Variants in MOB3B observed in about 807,000 individuals in gnomAD.
MOB3B encodes the protein MOB kinase activator 3B.
A neutral mutation model predicts 18.7 loss-of-function variants in MOB3B; 7 were observed. The ratio of observed to expected loss-of-function variants is 0.37; its 90% confidence interval spans 0.21 to 0.70. The LOEUF (loss-of-function observed/expected upper bound fraction) is 0.70. MOB3B is among the 30% of genes least tolerant of loss of function. The probability of loss-of-function intolerance (pLI) is 0.52; values close to 1 mark genes in which losing one functional copy is unlikely to be tolerated. For missense variants in MOB3B, 253 were observed against 281.3 expected, an observed-to-expected ratio of 0.90 and a Z score of 0.72; for synonymous variants, 111 against 99.9, an observed-to-expected ratio of 1.11 and a Z score of -0.66.
chr9:27,474,552 A>G (rs1041323936), intron 1 of MOB3B, among the ~76,000 whole-genome samples: 1 of 152,204 alleles, frequency 6.6e-6, no homozygotes, highest in African/African-American at 2.4e-5. Flanking sequence ...AATAGTCACC[A>G]TGATGCATGT....
chr9:27,514,658 C>T (rs1203838847), intron 1 of MOB3B, among the ~76,000 whole-genome samples: 2 of 152,168 alleles, frequency 1.3e-5, no homozygotes, highest in African/African-American at 2.4e-5. Context: ...CATTGAACAC[C>T]CCTGAGAATG....
intron 1 of MOB3B, among the ~76,000 whole-genome samples, chr9:27,522,925 A>AT (rs200359083): frequency 1.2e-4 from 18 of 150,390 alleles, no homozygotes; most frequent in African/African-American, 2.7e-4. Context: ...ATATATATAT[A>AT]TATTTTTTTC....
chr9:27,467,756 G>A (rs1043520789), intron 1 of MOB3B, among the ~76,000 whole-genome samples: 1 of 152,242 alleles, frequency 6.6e-6, no homozygotes. Context: ...GCTACCTGCT[G>A]CTTCCCCAGC....
At chr9:27,495,866 C>A (rs970214486) in intron 1 of MOB3B, among the ~76,000 whole-genome samples, 1 of 152,172 alleles carries the variant, frequency 6.6e-6, no homozygotes, top group Non-Finnish European at 1.5e-5. Flanking sequence ...GTTCCCTTTA[C>A]TGTAACACAC....
rs184652373 is a variant in MOB3B, at chr9:27,342,556, C to T, written c.622-11940G>A. 6.7e-3 allele frequency among the ~76,000 whole-genome samples: 1,024 copies of T among 152,214 alleles called. 10 individuals carry two copies. The highest frequency in any genetic ancestry group is 0.023 in the African/African-American group (962 of 41,530). On this transcript the variant is annotated intron_variant, in intron 3 of 3. Coordinates refer to ENST00000262244, the MANE Select transcript of MOB3B (RefSeq NM_024761.5). ...GTACTGCCGCCATCTTGGCTCACCGCAACCTCCCTGCCTGATTCTCCTGCC... is the reference window on the plus strand; with the variant it reads ...GTACTGCCGCCATCTTGGCTCACCGTAACCTCCCTGCCTGATTCTCCTGCC...
intron 3 of MOB3B, among the ~76,000 whole-genome samples, chr9:27,357,886 T>TCCAAAAAAAAAAAAAAAAAAAAAA: frequency 4.0e-5 from 1 of 25,316 alleles, no homozygotes; most frequent in African/African-American, 1.5e-4. Context: ...ATCCCATCGC[T>TCCAAAAAAAAAAAAAAAAAAAAAA]ACAAAAAAAA....
intron 2 of MOB3B, among the ~76,000 whole-genome samples, chr9:27,401,667 T>C (rs550187761): frequency 1.3e-5 from 2 of 152,328 alleles, no homozygotes; most frequent in East Asian, 3.9e-4. Context: ...AGGTACCTAA[T>C]GGAGCACATC....
chr9:27,428,428 C>T (rs1822369042), intron 2 of MOB3B, among the ~76,000 whole-genome samples: 6 of 152,148 alleles, frequency 3.9e-5, no homozygotes. Flanking sequence ...ATAGGGTGTT[C>T]ACAGGGGTAC....
At chr9:27,427,773 A>C (rs1162602078) in intron 2 of MOB3B, among the ~76,000 whole-genome samples, 1 of 152,086 alleles carries the variant, frequency 6.6e-6, no homozygotes, top group Non-Finnish European at 1.5e-5. Flanking sequence ...GTTCAAATTT[A>C]TTTCCCATCA....
At chr9:27,399,248 A>G (rs913756396) in intron 2 of MOB3B, among the ~76,000 whole-genome samples, 1 of 152,172 alleles carries the variant, frequency 6.6e-6, no homozygotes, top group Non-Finnish European at 1.5e-5. Flanking sequence ...CCCACTTCCC[A>G]GTGGGGCCCT....
intron 1 of MOB3B, among the ~76,000 whole-genome samples, chr9:27,527,061 A>T (rs750559005): frequency 2.0e-5 from 3 of 152,052 alleles, no homozygotes; most frequent in Non-Finnish European, 4.4e-5. Context: ...TTTTACATTC[A>T]TTTTCACCAT....
intron 3 of MOB3B, among the ~76,000 whole-genome samples, chr9:27,340,637 C>T (rs1308035330): frequency 6.6e-6 from 1 of 152,142 alleles, no homozygotes; most frequent in African/African-American, 2.4e-5. Context: ...TCTGTGGATC[C>T]ACCTACCATG....
At chr9:27,485,010 G>A (rs1237346786) in intron 1 of MOB3B, among the ~76,000 whole-genome samples, 2 of 152,178 alleles carry the variant, frequency 1.3e-5, no homozygotes, top group Admixed American at 6.5e-5. Flanking sequence ...GGCCTTGCCA[G>A]TATTTTTAAA....
chr9:27,373,506 G>A (rs1821450128), intron 2 of MOB3B, among the ~76,000 whole-genome samples: 1 of 152,146 alleles, frequency 6.6e-6, no homozygotes, highest in African/African-American at 2.4e-5. Flanking sequence ...GTTGACCTAA[G>A]GACCTCCCCC....
chr9:27,329,510 G>A lies in MOB3B; in HGVS notation c.*1077C>T, dbSNP rs1587134458. 1 of 152,438 alleles carries A rather than the reference G, an allele frequency of 6.6e-6. No individual in the cohort carries two copies. The highest frequency in any genetic ancestry group is 2.1e-4 in the South Asian group (1 of 4,822). The allele number at this position is 152,438 out of a possible 1,614,324, so 9.4% of individuals were successfully genotyped here. A position where few individuals can be genotyped will look rare whatever the true frequency, so the allele number is the denominator to read the frequency against. ...CCGTAACATAACGTGGCAGAGGAGT[G>A]GGGAGCGTGGAGTGGGGAGAGAATG... On this transcript the variant is annotated 3_prime_UTR_variant, in exon 4 of 4. Coordinates refer to ENST00000262244, the MANE Select transcript of MOB3B (RefSeq NM_024761.5).
intron 1 of MOB3B, among the ~76,000 whole-genome samples, chr9:27,474,854 A>G (rs1012754216): frequency 2.0e-5 from 3 of 152,202 alleles, no homozygotes; most frequent in African/African-American, 7.2e-5. Context: ...ACCTTTAACA[A>G]TCTATCAAAA....
chr9:27,456,868 GA>G (rs1429832741), intron 1 of MOB3B, among the ~76,000 whole-genome samples: 1 of 152,186 alleles, frequency 6.6e-6, no homozygotes, highest in Non-Finnish European at 1.5e-5. Context: ...TAATTTTAAT[GA>G]ATTTAAACTT....
chr9:27,519,953 T>C (rs568482651), intron 1 of MOB3B, among the ~76,000 whole-genome samples: 1 of 152,180 alleles, frequency 6.6e-6, no homozygotes, highest in East Asian at 1.9e-4. Flanking sequence ...ATCCTCTGCA[T>C]GCCCCATGGG....
intron 1 of MOB3B, among the ~76,000 whole-genome samples, chr9:27,458,431 G>A (rs538014158): frequency 6.6e-6 from 1 of 151,328 alleles, no homozygotes; most frequent in African/African-American, 2.4e-5. Context: ...ACTGGCACTC[G>A]CAAATATTTA....
Sources: gnomAD v4.1 joint callset for allele counts (sites outside exome capture counted in the v4.1 genomes callset) on GRCh38, gnomAD v4.1.1 for gene constraint, MANE v1.5 for transcripts, NCBI Gene and HGNC (gene_info 2026-07-23, HGNC 2026-07-21) for gene names.